RBFOX1: variants seen among roughly 807,000 people sequenced by gnomAD.
RBFOX1 encodes the protein RNA binding protein fox-1 homolog 1.
Under a neutral mutation model 57.7 loss-of-function variants are expected in RBFOX1, and 8 were observed. The ratio of observed to expected loss-of-function variants is 0.14; its 90% CI spans 0.08 to 0.25. RBFOX1 has a LOEUF of 0.25. Among genes scored for constraint, RBFOX1 ranks in the 10% least tolerant of loss-of-function variants. The pLI is 1.00. For synonymous variants in RBFOX1, 326 were observed against 222.4 expected, an observed-to-expected ratio of 1.47 and a Z score of -4.15; for missense variants, 611 against 548.5, an observed-to-expected ratio of 1.11 and a Z score of -1.14.
intron 10 of RBFOX1, among the ~76,000 whole-genome samples, chr16:7,619,797 T>C (rs2059028754): frequency 6.6e-6 from 1 of 152,118 alleles, no homozygotes; most frequent in South Asian, 2.1e-4. Context: ...GATTGCAAAC[T>C]AAAATGTTTT....
intron 11 of RBFOX1, among the ~76,000 whole-genome samples, chr16:7,636,341 T>C (rs1019773468): frequency 1.3e-5 from 2 of 152,242 alleles, no homozygotes; most frequent in African/African-American, 4.8e-5. Flanking sequence ...CTATTAATGA[T>C]CACCGTCTTT....
At chr16:6,971,014 C>T (rs1400868219) in intron 3 of RBFOX1, among the ~76,000 whole-genome samples, 1 of 152,164 alleles carries the variant, frequency 6.6e-6, no homozygotes, top group African/African-American at 2.4e-5. Context: ...TTTCCTTCAA[C>T]AGATATTTCT....
chr16:5,864,203 C>T (rs1301998637), intron 3 of RBFOX1, among the ~76,000 whole-genome samples: 2 of 152,328 alleles, frequency 1.3e-5, no homozygotes, highest in Admixed American at 6.5e-5. Flanking sequence ...TGGCCTCCAG[C>T]TCCATCGATG....
At chr16:5,781,235 G>C (rs2054312952) in intron 3 of RBFOX1, among the ~76,000 whole-genome samples, 1 of 152,178 alleles carries the variant, frequency 6.6e-6, no homozygotes, top group Non-Finnish European at 1.5e-5. Flanking sequence ...GGGAGGAAGG[G>C]TGCATCCTCT....
At chr16:6,973,495 T>C (rs925349945) in intron 3 of RBFOX1, among the ~76,000 whole-genome samples, 3 of 152,218 alleles carry the variant, frequency 2.0e-5, no homozygotes, top group Non-Finnish European at 2.9e-5. Flanking sequence ...TTTCTTTTGC[T>C]GAAATGCTCC....
chr16:6,972,351 T>G (rs948461016), intron 3 of RBFOX1, among the ~76,000 whole-genome samples: 1 of 152,084 alleles, frequency 6.6e-6, no homozygotes, highest in African/African-American at 2.4e-5. Context: ...ACAGCGTTTC[T>G]CCTTTCGTGA....
intron 1 of RBFOX1, among the ~76,000 whole-genome samples, chr16:5,437,856 A>G (rs1013499024): frequency 6.6e-6 from 1 of 152,178 alleles, no homozygotes; most frequent in Non-Finnish European, 1.5e-5. Context: ...AGAACCATTG[A>G]AATATATATT....
chr16:5,490,915 G>C (rs140369664), intron 2 of RBFOX1, among the ~76,000 whole-genome samples: 193 of 152,204 alleles, frequency 1.3e-3, no homozygotes, highest in Non-Finnish European at 2.2e-3. Context: ...ATTTCATTAT[G>C]TGAACCTCCT....
chr16:7,380,969 C>G lies in RBFOX1; in HGVS notation c.28-137178C>G, dbSNP rs764578864. Among the ~76,000 whole-genome samples the G allele has an allele frequency of 3.3e-5, 5 of 152,312 alleles. No individual in the cohort carries two copies. In the East Asian group the frequency reaches 5.8e-4, roughly 18 times the overall value. On this transcript the variant is annotated intron_variant, in intron 4 of 15. Coordinates refer to ENST00000550418, the MANE Select transcript of RBFOX1 (RefSeq NM_018723.4). ...CAGTATTTTGAATCTCCAGAGTTCT[C>G]AGTGAAAGTAGACAGGTCTATCCTA...
chr16:6,724,498 A>T (rs544448482), intron 3 of RBFOX1, among the ~76,000 whole-genome samples: 1 of 152,120 alleles, frequency 6.6e-6, no homozygotes, highest in African/African-American at 2.4e-5. Context: ...ATTAGCCACC[A>T]CACCTGGCTG....
In RBFOX1 at chr16:7,618,885, T is replaced by C. The variant is rs73490633; in HGVS notation, c.676+11547T>C. ...ATGGAATTGTTATAACACATTACAG[T>C]CGACATATTGGTTTATGAAAAATTA... is the stretch of plus-strand genomic sequence containing the variant. On this transcript the variant is annotated intron_variant, in intron 10 of 15. Transcript: ENST00000550418. Among the ~76,000 whole-genome samples, 702 of 152,314 alleles carry C rather than the reference T, an allele frequency of 4.6e-3. 5 individuals are homozygous for C. Among genetic ancestry groups the C allele is most frequent in the African/African-American group, 0.016 (656 of 41,574 alleles).
At chr16:6,905,458 C>T (rs959564676) in intron 3 of RBFOX1, among the ~76,000 whole-genome samples, 1 of 151,202 alleles carries the variant, frequency 6.6e-6, no homozygotes. Flanking sequence ...GAGTCTGAGG[C>T]AGGAGAATGG....
intron 4 of RBFOX1, among the ~76,000 whole-genome samples, chr16:7,145,887 G>A (rs1018159541): frequency 5.3e-5 from 8 of 152,016 alleles, no homozygotes; most frequent in Non-Finnish European, 1.0e-4. Context: ...GTTCTCTGAG[G>A]TTCCCATCCC....
At chr16:7,018,455 C>T (rs985310563) in intron 3 of RBFOX1, among the ~76,000 whole-genome samples, 1 of 152,158 alleles carries the variant, frequency 6.6e-6, no homozygotes, top group Non-Finnish European at 1.5e-5. Context: ...TTTTGAAATA[C>T]AACGTCTAAT....
At chr16:7,461,912 A>T (rs1195758960) in intron 4 of RBFOX1, among the ~76,000 whole-genome samples, 1 of 152,104 alleles carries the variant, frequency 6.6e-6, no homozygotes, top group Non-Finnish European at 1.5e-5. Flanking sequence ...CTCCAGAGAG[A>T]CTTCTACCCT....
At chr16:5,657,991 C>G (rs1341200170) in intron 3 of RBFOX1, among the ~76,000 whole-genome samples, 1 of 152,018 alleles carries the variant, frequency 6.6e-6, no homozygotes, top group Non-Finnish European at 1.5e-5. Context: ...CTCGGCCTCC[C>G]AAAATGATGA....
At position 6,753,593 on chromosome 16, in the gene RBFOX1, A is replaced by G. The variant is rs536588753; in HGVS notation, c.-16+98943A>G. ...AGAGACTGTGCAATTTCATCTCTTC[A>G]TCAACTCCTGTAAGTAGAACCAGCA... On this transcript the variant is annotated intron_variant, in intron 3 of 15. Transcript: ENST00000550418. Among the ~76,000 whole-genome samples, 15 of 152,254 alleles carry G rather than the reference A, an allele frequency of 9.9e-5. No individual in the cohort carries two copies. In the East Asian group the frequency reaches 2.5e-3, roughly 26 times the overall value.
intron 1 of RBFOX1, among the ~76,000 whole-genome samples, chr16:6,148,609 C>G (rs535502522): frequency 9.2e-5 from 14 of 152,266 alleles, no homozygotes; most frequent in East Asian, 7.7e-4. Flanking sequence ...TCCCCTTTGA[C>G]TAAGGCTACC....
intron 4 of RBFOX1, among the ~76,000 whole-genome samples, chr16:5,890,886 G>C (rs2058030475): frequency 6.6e-6 from 1 of 152,082 alleles, no homozygotes. Flanking sequence ...CGGTCAAACA[G>C]ATGTGGGCTC....
Sources: allele counts gnomAD v4.1 joint callset (sites outside exome capture counted in the v4.1 genomes callset), GRCh38; gene constraint gnomAD v4.1.1; transcripts MANE v1.5; gene names NCBI Gene and HGNC (gene_info 2026-07-23, HGNC 2026-07-21).